SIPA1L2: variants seen among roughly 807,000 people sequenced by gnomAD.
The protein encoded by SIPA1L2 is signal induced proliferation associated 1 like 2.
Under a neutral mutation model 163.9 loss-of-function variants are expected in SIPA1L2, and 56 were observed. The observed-to-expected ratio is 0.34, with a 90% CI of 0.28 to 0.43. SIPA1L2 has a LOEUF of 0.43. Among genes scored for constraint, SIPA1L2 ranks in the 20% least tolerant of loss-of-function variants. The pLI, the probability that SIPA1L2 is intolerant of heterozygous loss-of-function variation, is 1.00. For synonymous variants in SIPA1L2, 877 were observed against 865.7 expected, an observed-to-expected ratio of 1.01 and a Z score of -0.23; for missense variants, 1,974 against 2,193.5, an observed-to-expected ratio of 0.90 and a Z score of 2.00.
chr1:232,583,279 A>T (rs1320126455), intron 1 of SIPA1L2, among the ~76,000 whole-genome samples: 2 of 152,226 alleles, frequency 1.3e-5, no homozygotes, highest in African/African-American at 4.8e-5. Context: ...AGGCATCATC[A>T]CAAGCACGAC....
chr1:232,589,371 T>G (rs144669901), intron 1 of SIPA1L2, among the ~76,000 whole-genome samples: 2 of 152,344 alleles, frequency 1.3e-5, no homozygotes, highest in East Asian at 3.9e-4. Context: ...CACTGGTACT[T>G]GTATACTCTC....
At chr1:232,500,288 A>ATTC (rs1666398450) in intron 3 of SIPA1L2, among the ~76,000 whole-genome samples, 1 of 152,274 alleles carries the variant, frequency 6.6e-6, no homozygotes, top group Non-Finnish European at 1.5e-5. Flanking sequence ...CCCATGAATC[A>ATTC]GAGTATTTCT....
chr1:232,491,598 T>C (rs1271222930), intron 4 of SIPA1L2, among the ~76,000 whole-genome samples: 1 of 152,178 alleles, frequency 6.6e-6, no homozygotes, highest in Non-Finnish European at 1.5e-5. Context: ...AAATTGCCAC[T>C]AAATTTTGTC....
intron 2 of SIPA1L2, among the ~76,000 whole-genome samples, chr1:232,560,008 C>A (rs1658941487): frequency 6.6e-6 from 1 of 152,196 alleles, no homozygotes; most frequent in Non-Finnish European, 1.5e-5. Flanking sequence ...CCCCTCAATT[C>A]ATTCTTGATT....
intron 18 of SIPA1L2, among the ~76,000 whole-genome samples, chr1:232,416,545 G>A (rs751968062): frequency 7.9e-5 from 12 of 152,260 alleles, no homozygotes; most frequent in Admixed American, 3.3e-4. Flanking sequence ...CAGGGTTTAC[G>A]TTGCTGTAAG....
At chr1:232,577,530 A>C (rs1167378307) in intron 1 of SIPA1L2, among the ~76,000 whole-genome samples, 3 of 152,178 alleles carry the variant, frequency 2.0e-5, no homozygotes, top group Non-Finnish European at 2.9e-5. Flanking sequence ...CCTCTGGTGG[A>C]TCTGGGCAAA....
At chr1:232,540,888 T>C (rs1009611864) in intron 2 of SIPA1L2, among the ~76,000 whole-genome samples, 5 of 152,240 alleles carry the variant, frequency 3.3e-5, no homozygotes, top group African/African-American at 1.2e-4. Context: ...TTGTTTGTTA[T>C]ATCAAGTCTT....
chr1:232,493,543 G>A lies in SIPA1L2; in HGVS notation c.1601C>T (p.Ala534Val). Reference sequence around the variant, plus strand: ...CCCCATTACCTCACTTGTCCTGAAAGCCACCCTGTAGTTGAACTGGGATCC... The same window carrying A: ...CCCCATTACCTCACTTGTCCTGAAAACCACCCTGTAGTTGAACTGGGATCC... The part of the protein sequence containing the change: ...KEGSQFNYRV[A>V]FRTSELTTLR... Residue 534 changes from alanine (A) to valine (V), a missense_variant, in exon 4 of 23, where the codon GCT becomes GTT. Physicochemically the swap from Ala to Val is moderately conservative, Grantham distance 64. Transcript: ENST00000674635. The A allele has an allele frequency of 6.2e-7, 1 of 1,614,066 alleles. No homozygotes were observed. The highest frequency in any genetic ancestry group is 1.1e-5 in the South Asian group (1 of 91,080).
chr1:232,597,849 A>G (rs1240243147), intron 1 of SIPA1L2, among the ~76,000 whole-genome samples: 1 of 152,100 alleles, frequency 6.6e-6, no homozygotes, highest in African/African-American at 2.4e-5. Context: ...AACCCCACAC[A>G]GGAATTCCTT....
At chr1:232,513,097 G>T (rs891006563) in intron 3 of SIPA1L2, among the ~76,000 whole-genome samples, 9 of 152,180 alleles carry the variant, frequency 5.9e-5, no homozygotes, top group Non-Finnish European at 1.2e-4. Context: ...GTTTTCCTCG[G>T]CATGTGTTAC....
chr1:232,471,331 T>C (rs2102946140), intron 8 of SIPA1L2, 40 bp downstream of exon 8: 5 of 1,565,498 alleles, frequency 3.2e-6, no homozygotes, highest in Non-Finnish European at 4.3e-6. Context: ...CCTGTTGAAA[T>C]AAACCTGGGA....
chr1:232,560,674 C>G (rs946945617), intron 2 of SIPA1L2, among the ~76,000 whole-genome samples: 4 of 150,580 alleles, frequency 2.7e-5, no homozygotes, highest in East Asian at 1.9e-4. Flanking sequence ...AATGGCCAGA[C>G]CAGGACACAG....
intron 7 of SIPA1L2, among the ~76,000 whole-genome samples, chr1:232,472,596 T>C (rs1458572457): frequency 6.6e-6 from 1 of 152,200 alleles, no homozygotes; most frequent in East Asian, 1.9e-4. Context: ...AAGGCATAGA[T>C]TTGTGCTCTC....
chr1:232,484,515 A>C (rs1665547124), intron 5 of SIPA1L2, among the ~76,000 whole-genome samples: 1 of 152,266 alleles, frequency 6.6e-6, no homozygotes, highest in Non-Finnish European at 1.5e-5. Context: ...GTATACAAAC[A>C]TTAAAATGTT....
chr1:232,464,757 G>A, intron 9 of SIPA1L2, 83 bp downstream of exon 9: 2 of 1,095,122 alleles, frequency 1.8e-6, no homozygotes, highest in Non-Finnish European at 2.6e-6. Flanking sequence ...GTATAATCAT[G>A]GTAGCAGTTC....
chr1:232,443,513 G>T, intron 12 of SIPA1L2, 89 bp downstream of exon 12: 1 of 994,756 alleles, frequency 1.0e-6, no homozygotes, highest in Non-Finnish European at 1.4e-6. Context: ...CATGGCCCCA[G>T]GTACAGAAGG....
chr1:232,399,639 A>G (rs1660213552), intron 22 of SIPA1L2, among the ~76,000 whole-genome samples: 1 of 152,174 alleles, frequency 6.6e-6, no homozygotes, highest in Non-Finnish European at 1.5e-5. Flanking sequence ...TAAGTAGAAA[A>G]TTGGAATTAG....
intron 18 of SIPA1L2, among the ~76,000 whole-genome samples, chr1:232,420,713 T>C (rs796845738): frequency 4.7e-4 from 71 of 152,216 alleles, no homozygotes; most frequent in African/African-American, 1.6e-3. Context: ...TGGATGCCTG[T>C]AGTCCCAGCT....
intron 2 of SIPA1L2, among the ~76,000 whole-genome samples, chr1:232,565,666 A>T (rs1179944650): frequency 6.6e-6 from 1 of 152,254 alleles, no homozygotes; most frequent in African/African-American, 2.4e-5. Context: ...TGTTAGTAGG[A>T]AAATCAATAC....
Sources: gnomAD v4.1 joint callset for allele counts (sites outside exome capture counted in the v4.1 genomes callset) on GRCh38, gnomAD v4.1.1 for gene constraint, MANE v1.5 for transcripts, NCBI Gene and HGNC (gene_info 2026-07-23, HGNC 2026-07-21) for gene names.